Variants in LIMCH1 observed in about 807,000 individuals in gnomAD.
LIMCH1 encodes LIM and calponin homology domains 1.
A neutral mutation model predicts 176.5 loss-of-function variants in LIMCH1; 113 were observed. The observed-to-expected ratio is 0.64, with a 90% confidence interval of 0.55 to 0.75. The LOEUF is 0.75. Among genes scored for constraint, LIMCH1 ranks in the 30% least tolerant of loss-of-function variants. The probability of loss-of-function intolerance (pLI) is 0.00; values close to 1 mark genes in which losing one functional copy is unlikely to be tolerated. For synonymous variants in LIMCH1, 619 were observed against 645.9 expected, an observed-to-expected ratio of 0.96 and a Z score of 0.63; for missense variants, 1,674 against 1,814.9, an observed-to-expected ratio of 0.92 and a Z score of 1.41.
At chr4:41,644,371 G>A in intron 14 of LIMCH1, 129 bp from the exon 15 acceptor site, 1 of 1,240,320 alleles carries the variant, frequency 8.1e-7, no homozygotes, top group Non-Finnish European at 1.1e-6. Context: ...GTCACGCGCT[G>A]TGCGCAGCCC....
chr4:41,364,762 T>G (rs1437169771), intron 1 of LIMCH1, among the ~76,000 whole-genome samples: 2 of 152,238 alleles, frequency 1.3e-5, no homozygotes, highest in Admixed American at 6.5e-5. Context: ...TAAATCATTA[T>G]ACAAATAATG....
chr4:41,412,157 G>A (rs578028071), intron 1 of LIMCH1, among the ~76,000 whole-genome samples: 24 of 152,118 alleles, frequency 1.6e-4, no homozygotes, highest in South Asian at 2.1e-4. Context: ...TCCTCACAGC[G>A]GGGCATTGGA....
chr4:41,564,824 T>G (rs1186862198), intron 1 of LIMCH1, among the ~76,000 whole-genome samples: 1 of 152,124 alleles, frequency 6.6e-6, no homozygotes, highest in East Asian at 1.9e-4. Flanking sequence ...TTCCCTGTGT[T>G]GTTCTCGTGA....
At chr4:41,501,403 G>T (rs539302788) in intron 2 of LIMCH1, among the ~76,000 whole-genome samples, 2 of 152,322 alleles carry the variant, frequency 1.3e-5, no homozygotes, top group South Asian at 4.1e-4. Context: ...TTGTGAACAT[G>T]AAGTGGTGTA....
chr4:41,537,082 A>G (rs571621477), upstream of LIMCH1, among the ~76,000 whole-genome samples: 6 of 152,354 alleles, frequency 3.9e-5, no homozygotes, highest in African/African-American at 1.4e-4. Context: ...ATAAAAGAGC[A>G]TAATGCAAGG....
chr4:41,494,637 T>C (rs1201339746), intron 2 of LIMCH1: 1 of 1,392,454 alleles, frequency 7.2e-7, no homozygotes, highest in South Asian at 1.3e-5. Flanking sequence ...GTTGGTTTTA[T>C]TCAAAAAACA....
chr4:41,364,039 A>T (rs963833521), intron 1 of LIMCH1, among the ~76,000 whole-genome samples: 47 of 152,194 alleles, frequency 3.1e-4, no homozygotes, highest in African/African-American at 1.1e-3. Flanking sequence ...GTTACTTTGT[A>T]GCTGGATGAC....
At chr4:41,430,694 A>G (rs900780880) in intron 1 of LIMCH1, among the ~76,000 whole-genome samples, 1 of 152,230 alleles carries the variant, frequency 6.6e-6, no homozygotes, top group African/African-American at 2.4e-5. Flanking sequence ...ATGAAGAAAA[A>G]TTGGCTTTAC....
chr4:41,376,098 C>T (rs545041786), intron 1 of LIMCH1, among the ~76,000 whole-genome samples: 11 of 152,276 alleles, frequency 7.2e-5, no homozygotes, highest in African/African-American at 2.6e-4. Flanking sequence ...AAGTTTTCCC[C>T]AAAGGTATCT....
At chr4:41,696,210 A>G (rs1404544982) in intron 31 of LIMCH1, among the ~76,000 whole-genome samples, 1 of 152,242 alleles carries the variant, frequency 6.6e-6, no homozygotes, top group Non-Finnish European at 1.5e-5. Flanking sequence ...GTAAATGGAA[A>G]TGGACGTGCA....
intron 1 of LIMCH1, among the ~76,000 whole-genome samples, chr4:41,415,176 G>A (rs4426816): frequency 0.57 from 87,233 of 151,832 alleles, 28,140 homozygotes; most frequent in East Asian, 0.82. Flanking sequence ...TTAACATCTC[G>A]AATTTGTAAC....
At chr4:41,521,966 C>T (rs999022250) in intron 2 of LIMCH1, among the ~76,000 whole-genome samples, 5 of 151,752 alleles carry the variant, frequency 3.3e-5, no homozygotes, top group South Asian at 2.1e-4. Flanking sequence ...GTTTTGAGGC[C>T]GTGATTGCTA....
chr4:41,646,155 T>C lies in LIMCH1; in HGVS notation c.2286T>C (p.Ser762=), dbSNP rs1400213560. Reference sequence around the variant, plus strand: ...CTCGTTGGAAGAGTCGTAGAAGAAGTGTTTCTCAGGACTTAATCAAGAAAG... The same window carrying C: ...CTCGTTGGAAGAGTCGTAGAAGAAGCGTTTCTCAGGACTTAATCAAGAAAG... The part of the protein sequence containing the change: ...DLARWKSRRR[S]VSQDLIKKEE... The change falls in exon 16 of 32, where the codon AGT becomes AGC. Residue 762 remains serine (S), a synonymous_variant. Coordinates refer to ENST00000503057, the MANE Select transcript of LIMCH1 (RefSeq NM_001330672.2). 2 of 1,613,162 alleles carry C rather than the reference T, an allele frequency of 1.2e-6. No individual in the cohort carries two copies. The highest frequency in any genetic ancestry group is 1.7e-6 in the Non-Finnish European group (2 of 1,179,882).
chr4:41,538,464 T>C, intron 1 of LIMCH1, 114 bp downstream of exon 1: 1 of 485,216 alleles, frequency 2.1e-6, no homozygotes, highest in South Asian at 8.8e-5. Flanking sequence ...TTTATTCACT[T>C]ATTAGTATGG....
At chr4:41,514,952 T>C (rs2075393122) in intron 2 of LIMCH1, among the ~76,000 whole-genome samples, 1 of 152,240 alleles carries the variant, frequency 6.6e-6, no homozygotes, top group Non-Finnish European at 1.5e-5. Context: ...TCTGAGATTG[T>C]GTCAGCCCCA....
chr4:41,669,440 C>T (rs2094939211), intron 21 of LIMCH1, among the ~76,000 whole-genome samples: 1 of 152,162 alleles, frequency 6.6e-6, no homozygotes, highest in Admixed American at 6.5e-5. Flanking sequence ...GGGTTTTTCA[C>T]TGTGGTTCTC....
chr4:41,469,108 T>C (rs2066575718), intron 1 of LIMCH1, among the ~76,000 whole-genome samples: 1 of 152,222 alleles, frequency 6.6e-6, no homozygotes, highest in South Asian at 2.1e-4. Context: ...CCACTGGGAC[T>C]GAGGATGATA....
At chr4:41,510,261 G>T (rs1465944541) in intron 2 of LIMCH1, among the ~76,000 whole-genome samples, 2 of 152,146 alleles carry the variant, frequency 1.3e-5, no homozygotes. Flanking sequence ...AGATTTTTAA[G>T]AATGATCAAT....
chr4:41,412,463 A>G (rs956366582), intron 1 of LIMCH1, among the ~76,000 whole-genome samples: 3 of 152,204 alleles, frequency 2.0e-5, no homozygotes, highest in Non-Finnish European at 2.9e-5. Context: ...ACTAAGTGAC[A>G]TGAGGTTTTA....
Sources: allele counts gnomAD v4.1 joint callset (sites outside exome capture counted in the v4.1 genomes callset), GRCh38; gene constraint gnomAD v4.1.1; transcripts MANE v1.5; gene names NCBI Gene and HGNC (gene_info 2026-07-23, HGNC 2026-07-21).